Variants in SPATA31H1 observed in about 807,000 individuals in gnomAD.
The protein encoded by SPATA31H1 is SPATA31 subfamily H member 1, also known as spermatogenesis-associated protein 31H1.
At chr2:27,577,314 G>T in the SPATA31H1 span, 1 of 1,614,114 alleles carries the variant, frequency 6.2e-7, no homozygotes, top group Non-Finnish European at 8.5e-7. The surrounding 1 kb of genome is among the most constrained non-coding windows in gnomAD (Gnocchi z 4.5). Context: ...AGTTAAGGAT[G>T]TGGGGGAGTT....
At chr2:27,566,276 C>T in the SPATA31H1 span, 1 of 717,124 alleles carries the variant, frequency 1.4e-6, no homozygotes, top group African/African-American at 1.7e-5. Flanking sequence ...TTGACATACA[C>T]TGTTGCATCC....
the SPATA31H1 span, chr2:27,571,959 C>A: frequency 2.5e-6 from 1 of 398,380 alleles, no homozygotes; most frequent in South Asian, 1.3e-4. Context: ...ACAGGATGGT[C>A]AGATATCTGT....
the SPATA31H1 span, among the ~76,000 whole-genome samples, chr2:27,552,281 T>C: frequency 6.6e-6 from 1 of 152,064 alleles, no homozygotes; most frequent in Non-Finnish European, 1.5e-5. Flanking sequence ...TGGTGTGAAT[T>C]AAGAGTCCAA....
the SPATA31H1 span, chr2:27,580,315 C>G: frequency 5.6e-5 from 91 of 1,614,182 alleles, 2 homozygotes; most frequent in Middle Eastern, 9.9e-4. Flanking sequence ...AAGACAAAAA[C>G]TAGAGCACCT....
chr2:27,555,384 TC>T, the SPATA31H1 span, among the ~76,000 whole-genome samples: 2 of 151,876 alleles, frequency 1.3e-5, no homozygotes, highest in Non-Finnish European at 2.9e-5. Flanking sequence ...AGTATAAAAG[TC>T]TAAGAGCCAT....
At chr2:27,572,277 A>T in the SPATA31H1 span, 1 of 398,456 alleles carries the variant, frequency 2.5e-6, no homozygotes, top group Non-Finnish European at 4.4e-6. Flanking sequence ...AGAGCCACAG[A>T]TTCAAAGTGT....
At chr2:27,575,718 G>A in the SPATA31H1 span, 4 of 398,386 alleles carry the variant, frequency 1.0e-5, no homozygotes, top group Non-Finnish European at 1.8e-5. The surrounding 1 kb of genome is among the most constrained non-coding windows in gnomAD (Gnocchi z 4.1). Flanking sequence ...TGTAAATTCT[G>A]CATCCATTCC....
the SPATA31H1 span, chr2:27,580,794 G>A: frequency 6.2e-7 from 1 of 1,614,058 alleles, no homozygotes; most frequent in African/African-American, 1.3e-5. Flanking sequence ...TATCAAAAGA[G>A]ACAAGAGGTC....
chr2:27,540,363 A>C, the SPATA31H1 span, among the ~76,000 whole-genome samples: 14 of 62,944 alleles, frequency 2.2e-4, no homozygotes, highest in South Asian at 6.1e-4. Flanking sequence ...GGCGCCCCTC[A>C]CCTCCCGGAC....
At chr2:27,566,994 T>A in the SPATA31H1 span, 157,971 of 717,352 alleles carry the variant, frequency 0.22, 18,564 homozygotes, top group East Asian at 0.32. Flanking sequence ...ATCCTCTGTG[T>A]TCAGGAACCA....
the SPATA31H1 span, among the ~76,000 whole-genome samples, chr2:27,563,385 CTTTTTT>C: frequency 7.9e-4 from 54 of 68,730 alleles, no homozygotes; most frequent in Admixed American, 1.9e-3. Flanking sequence ...TCTTCTACTT[CTTTTTT>C]TTTTTTTTTT....
the SPATA31H1 span, among the ~76,000 whole-genome samples, chr2:27,556,750 G>A: frequency 4.8e-5 from 6 of 125,068 alleles, no homozygotes; most frequent in Admixed American, 8.3e-5. Flanking sequence ...GGTGTTTCTC[G>A]CAGAGGGGGA....
the SPATA31H1 span, chr2:27,578,763 T>C: frequency 6.2e-7 from 1 of 1,614,094 alleles, no homozygotes; most frequent in Non-Finnish European, 8.5e-7. Flanking sequence ...CTTCTCTAGG[T>C]TCCTACAAAG....
chr2:27,543,126 C>A, the SPATA31H1 span, among the ~76,000 whole-genome samples: 2 of 151,860 alleles, frequency 1.3e-5, no homozygotes, highest in African/African-American at 4.9e-5. Flanking sequence ...ACACACAAAC[C>A]CCCCAAAGCT....
the SPATA31H1 span, chr2:27,572,815 G>T: frequency 2.5e-6 from 1 of 397,580 alleles, no homozygotes; most frequent in South Asian, 1.3e-4. Context: ...CTGACTCTAG[G>T]GCCAAAACTT....
chr2:27,573,891 G>C, the SPATA31H1 span: 1 of 398,390 alleles, frequency 2.5e-6, no homozygotes, highest in African/African-American at 2.1e-5. Context: ...GAAATCATCT[G>C]AATTGGCTCA....
chr2:27,541,411 A>AGAGGG, the SPATA31H1 span, among the ~76,000 whole-genome samples: 4 of 150,526 alleles, frequency 2.7e-5, no homozygotes, highest in African/African-American at 9.8e-5. Flanking sequence ...AGGGGGAGAG[A>AGAGGG]GAGAGGGGAG....
chr2:27,549,861 T>C, the SPATA31H1 span, among the ~76,000 whole-genome samples: 2 of 151,872 alleles, frequency 1.3e-5, no homozygotes, highest in Non-Finnish European at 2.9e-5. Context: ...CTCACTATAT[T>C]GCCCAGGCTG....
the SPATA31H1 span, among the ~76,000 whole-genome samples, chr2:27,538,850 G>C: frequency 6.6e-6 from 1 of 151,732 alleles, no homozygotes; most frequent in Non-Finnish European, 1.5e-5. Flanking sequence ...AAGGAAAAGA[G>C]AACATAAATT....
Sources: gnomAD v4.1 joint callset for allele counts (sites outside exome capture counted in the v4.1 genomes callset) on GRCh38, gnomAD v4.1.1 for gene constraint, Gnocchi (gnomAD v3.1) non-coding constraint, MANE v1.5 for transcripts, NCBI Gene and HGNC (gene_info 2026-07-23, HGNC 2026-07-21) for gene names.